The following ZMYM1 variants were observed in gnomAD, a reference collection of about 807,000 sequenced individuals.
The protein encoded by ZMYM1 is zinc finger MYM-type protein 1.
A neutral mutation model predicts 60.0 loss-of-function variants in ZMYM1; 39 were observed. The observed-to-expected ratio is 0.65, with a 90% CI of 0.50 to 0.85. The LOEUF is 0.85. Among genes scored for constraint, ZMYM1 ranks in the 40% least tolerant of loss-of-function variants. ZMYM1 has a pLI of 0.00. For missense variants in ZMYM1, 1,171 were observed against 1,309.5 expected, an observed-to-expected ratio of 0.89 and a Z score of 1.63; for synonymous variants, 413 against 454.0, an observed-to-expected ratio of 0.91 and a Z score of 1.15.
chr1:35,118,048 G>C (rs1448007765), downstream of ZMYM1, among the ~76,000 whole-genome samples: 2 of 151,686 alleles, frequency 1.3e-5, no homozygotes, highest in African/African-American at 4.8e-5. Flanking sequence ...GACCAGCCTG[G>C]CCAACATGGT....
intron 1 of ZMYM1, among the ~76,000 whole-genome samples, chr1:35,067,386 C>T (rs1641989405): frequency 6.6e-6 from 1 of 152,064 alleles, no homozygotes; most frequent in Non-Finnish European, 1.5e-5. Flanking sequence ...CTCCTGTGCT[C>T]AAGCAATCCT....
intron 1 of ZMYM1, among the ~76,000 whole-genome samples, chr1:35,089,211 A>G (rs1246158248): frequency 1.3e-5 from 2 of 152,204 alleles, no homozygotes; most frequent in Non-Finnish European, 2.9e-5. Flanking sequence ...AATAACAATA[A>G]TTGTACCTCA....
At chr1:35,101,839 G>A (rs1643676567) in intron 4 of ZMYM1, among the ~76,000 whole-genome samples, 1 of 152,074 alleles carries the variant, frequency 6.6e-6, no homozygotes, top group African/African-American at 2.4e-5. Context: ...CACCGCGCCT[G>A]CTATTAGGTG....
chr1:35,085,789 C>T (rs1313582511), intron 1 of ZMYM1, among the ~76,000 whole-genome samples: 1 of 152,196 alleles, frequency 6.6e-6, no homozygotes, highest in Non-Finnish European at 1.5e-5. Context: ...TCATTCCCAG[C>T]CTAGTTTTGA....
chr1:35,074,511 C>T (rs553994757), upstream of ZMYM1, among the ~76,000 whole-genome samples: 182 of 152,050 alleles, frequency 1.2e-3, no homozygotes, highest in Non-Finnish European at 2.4e-3. Flanking sequence ...TGGGTTCAAG[C>T]GATTCTCCTG....
chr1:35,086,250 A>G (rs945017545), intron 1 of ZMYM1, among the ~76,000 whole-genome samples: 3 of 152,054 alleles, frequency 2.0e-5, no homozygotes, highest in African/African-American at 7.2e-5. Flanking sequence ...AATTTTCAAT[A>G]TATACAGAAT....
rs146964048 is a variant in ZMYM1 at position 35,084,409 on chromosome 1, C to A, written c.-75+4967C>A. Among the ~76,000 whole-genome samples, 12 of 152,282 alleles carry A rather than the reference C, an allele frequency of 7.9e-5. No homozygotes were observed. In the East Asian group the frequency reaches 2.3e-3, roughly 29 times the overall value. ...ATTTTGGATGAACATTATTAGCATC[C>A]GGATGTACTTCCTTCAAAGCAGACT... On this transcript the variant is annotated intron_variant, in intron 1 of 9. Transcript: ENST00000359858.
In ZMYM1 at chr1:35,115,621, TC is replaced by T. The variant is rs1279962801; in HGVS notation, c.*364del. 6.4e-6 allele frequency: 1 copy of T among 156,530 alleles called. No individual in the cohort carries two copies. The highest frequency in any genetic ancestry group is 1.4e-5 in the Non-Finnish European group (1 of 71,214). The allele number at this position is 156,530 out of a possible 1,614,324, so 9.7% of individuals were successfully genotyped here. A position where few individuals can be genotyped will look rare whatever the true frequency, so the allele number is the denominator to read the frequency against. ...TGAGCAGTCCCTGCTGACATTTTTT[TC>T]CTAACCTTTTGCTATTATAAATAAT... On this transcript the variant is annotated 3_prime_UTR_variant, in exon 10 of 10. Transcript: ENST00000359858.
rs772788048 is a variant in ZMYM1 at position 35,095,829 on chromosome 1, A to G, written c.107A>G (p.His36Arg). ...TEPDNAQEYC[H>R]RQQSRTQENE... is the part of the protein sequence containing the mutation. ...TTTTTTTCTTTTTAGGAGTATTGTC[A>G]TAGGCAACAGTCCAGAACTCAGGAG... The change falls in exon 3 of 10, where the codon CAT (histidine) becomes CGT (arginine). Residue 36 changes from histidine (H) to arginine (R), a missense_variant. Physicochemically the swap from His to Arg is conservative, Grantham distance 29. Transcript: ENST00000359858. The G allele has an allele frequency of 7.5e-6, 12 of 1,600,934 alleles. No homozygotes were observed. Among genetic ancestry groups the G allele is most frequent in the South Asian group, 4.6e-5 (4 of 87,380 alleles).
At position 35,104,720 on chromosome 1, in the gene ZMYM1, G is replaced by T; in HGVS notation, c.758G>T (p.Gly253Val). 1 of 1,614,182 alleles carries T rather than the reference G, an allele frequency of 6.2e-7. No individual in the cohort carries two copies. Among genetic ancestry groups the T allele is most frequent in the South Asian group, 1.1e-5 (1 of 91,086 alleles). ...CTGTCCCACATACTTCAGATGGAAG[G>T]ACAGTCTCATTACTTTAATAGTTCA... is the stretch of plus-strand genomic sequence containing the variant. The part of the protein sequence containing the change: ...SSLSHILQME[G>V]QSHYFNSSKS... The change falls in exon 6 of 10, where the codon GGA becomes GTA. Residue 253 changes from glycine to valine, a missense_variant. Gly to Val is a moderately radical substitution (Grantham distance 109). Transcript: ENST00000359858.
At chr1:35,066,570 C>T (rs554092061) in intron 1 of ZMYM1, among the ~76,000 whole-genome samples, 1 of 152,184 alleles carries the variant, frequency 6.6e-6, no homozygotes, top group Admixed American at 6.5e-5. Flanking sequence ...TCTAATAAAA[C>T]ATGTTCTGTG....
At chr1:35,108,867 C>T (rs963340051) in intron 6 of ZMYM1, among the ~76,000 whole-genome samples, 2 of 152,076 alleles carry the variant, frequency 1.3e-5, no homozygotes, top group Admixed American at 6.5e-5. Context: ...TGCGCCACCA[C>T]ACCTGGTTAA....
intron 1 of ZMYM1, among the ~76,000 whole-genome samples, chr1:35,063,900 A>T (rs1007262151): frequency 2.6e-5 from 4 of 152,220 alleles, no homozygotes; most frequent in African/African-American, 9.6e-5. Flanking sequence ...AGGCAGAAGA[A>T]TTTCCCTCAC....
At chr1:35,099,282 C>A (rs561614681) in intron 4 of ZMYM1, among the ~76,000 whole-genome samples, 3 of 152,178 alleles carry the variant, frequency 2.0e-5, no homozygotes, top group Non-Finnish European at 4.4e-5. Flanking sequence ...CTATACTAGT[C>A]TTTTGTCTTT....
chr1:35,102,616 C>G (rs1299599237), intron 4 of ZMYM1, among the ~76,000 whole-genome samples: 3 of 152,176 alleles, frequency 2.0e-5, no homozygotes, highest in Non-Finnish European at 4.4e-5. Context: ...GTGACAGTCT[C>G]ATTTTTTTCA....
intron 1 of ZMYM1, among the ~76,000 whole-genome samples, chr1:35,060,899 C>G (rs544917482): frequency 7.9e-5 from 12 of 152,222 alleles, no homozygotes; most frequent in Non-Finnish European, 1.6e-4. Flanking sequence ...TCCTAGCTCA[C>G]ACAGAGAGCT....
Position 35,113,747 on chromosome 1 carries a change from C to T in ZMYM1, c.1917C>T (p.Asp639=). The change falls in exon 10 of 10, where the codon GAC becomes GAT. Residue 639 remains aspartate (D), a synonymous_variant. Transcript: ENST00000359858. ...AGGATATTGTGAATGAGATCAATGA[C>T]TCCTCAGCATTTTCAATCATATGTG... is the stretch of plus-strand genomic sequence containing the variant. ...MLQDIVNEIN[D]SSAFSIICDE... is the part of the protein sequence containing the mutation. 1 of 1,613,844 alleles carries T rather than the reference C, an allele frequency of 6.2e-7. No individual in the cohort carries two copies. Among genetic ancestry groups the T allele is most frequent in the Non-Finnish European group, 8.5e-7 (1 of 1,179,856 alleles).
In ZMYM1 at chr1:35,115,228, A is replaced by C. The variant is rs1332641263; in HGVS notation, c.3398A>C (p.Glu1133Ala). The change falls in exon 10 of 10, where the codon GAA (glutamate) becomes GCA (alanine). Residue 1133 changes from glutamate to alanine, a missense_variant. By Grantham distance (107) the Glu-to-Ala change is moderately radical (BLOSUM62 -1). Transcript: ENST00000359858. ...CCTGAAAGACTCAATGAAATTGTGG[A>C]AAAGTTTATCAGTCAGATGAAAGAA... is the stretch of plus-strand genomic sequence containing the variant. ...MEPERLNEIV[E>A]KFISQMKEI 40 of 1,597,758 alleles carry C rather than the reference A, an allele frequency of 2.5e-5. No individual in the cohort carries two copies. The highest frequency in any genetic ancestry group is 3.3e-5 in the Non-Finnish European group (39 of 1,175,326).
intron 1 of ZMYM1, among the ~76,000 whole-genome samples, chr1:35,070,812 T>C (rs1642054492): frequency 6.6e-6 from 1 of 152,110 alleles, no homozygotes; most frequent in Non-Finnish European, 1.5e-5. Context: ...TTGAGGGTTT[T>C]TTTTTTTTAA....
Sources: allele counts gnomAD v4.1 joint callset (sites outside exome capture counted in the v4.1 genomes callset), GRCh38; gene constraint gnomAD v4.1.1; transcripts MANE v1.5; gene names NCBI Gene and HGNC (gene_info 2026-07-23, HGNC 2026-07-21).